The following DOCK3 variants were observed in gnomAD, a reference collection of about 807,000 sequenced individuals.
DOCK3 encodes the protein dedicator of cytokinesis protein 3.
Under a neutral mutation model 265.6 loss-of-function variants are expected in DOCK3, and 60 were observed. That is an observed-to-expected ratio of 0.23 (90% CI 0.18 to 0.28). The LOEUF (loss-of-function observed/expected upper bound fraction) is 0.28. Among genes scored for constraint, DOCK3 ranks in the 10% least tolerant of loss-of-function variants. DOCK3 has a pLI of 1.00. For missense variants in DOCK3, 1,981 were observed against 2,594.3 expected (o/e 0.76, Z 5.14); for synonymous variants, 881 against 938.0 (o/e 0.94, Z 1.11).
chr3:50,734,578 A>G (rs1466803927), intron 1 of DOCK3, among the ~76,000 whole-genome samples: 1 of 142,904 alleles, frequency 7.0e-6, no homozygotes, highest in African/African-American at 2.6e-5. Flanking sequence ...TCTGAATTTT[A>G]TTATATTCTT....
chr3:51,239,563 T>TG (rs1560265553), intron 21 of DOCK3, among the ~76,000 whole-genome samples: 3 of 139,802 alleles, frequency 2.1e-5, no homozygotes, highest in Non-Finnish European at 3.1e-5. Flanking sequence ...GGGTTTTTTT[T>TG]TTGTTTGTTT....
chr3:51,292,138 C>G (rs2109173726), intron 27 of DOCK3, among the ~76,000 whole-genome samples: 1 of 152,286 alleles, frequency 6.6e-6, no homozygotes, highest in South Asian at 2.1e-4. Flanking sequence ...TAACTTCACA[C>G]TCAACAGTGA....
intron 1 of DOCK3, among the ~76,000 whole-genome samples, chr3:50,688,134 A>C (rs951536740): frequency 1.3e-5 from 2 of 152,232 alleles, no homozygotes; most frequent in Admixed American, 6.5e-5. Flanking sequence ...AGCAGGCAGG[A>C]TCAACTCTTC....
intron 23 of DOCK3, among the ~76,000 whole-genome samples, chr3:51,268,966 A>G (rs1055641471): frequency 6.6e-6 from 1 of 152,040 alleles, no homozygotes; most frequent in Non-Finnish European, 1.5e-5. Flanking sequence ...TAACACAATA[A>G]TGCCCTGTAC....
intron 4 of DOCK3, among the ~76,000 whole-genome samples, chr3:50,909,172 G>A (rs1286340345): frequency 6.6e-6 from 1 of 151,918 alleles, no homozygotes; most frequent in Non-Finnish European, 1.5e-5. Context: ...TATCCATCTT[G>A]CCATTCTGTG....
At chr3:51,341,785 C>T (rs1041222264) in intron 38 of DOCK3, among the ~76,000 whole-genome samples, 1 of 152,220 alleles carries the variant, frequency 6.6e-6, no homozygotes, top group Non-Finnish European at 1.5e-5. Context: ...TTAACCACAG[C>T]CAAAGGCGGC....
In DOCK3 at chr3:51,278,091, TTTC is replaced by T. The variant is rs1286697196; in HGVS notation, c.2823+342_2823+344del. ...GAGGTTGAAGGTGAAAAACAGACTA[TTTC>T]TTCTAGGAACCCCCTCATACAGGTT... On this transcript the variant is annotated intron_variant, in intron 26 of 52. Transcript: ENST00000266037. 287 of 985,416 alleles carry T rather than the reference TTTC, an allele frequency of 2.9e-4. 2 individuals carry two copies. The African/African-American group carries it at 4.8e-3, about 16-fold the overall frequency. 61.0% of individuals were successfully genotyped at this position (985,416 alleles called of 1,614,324 possible).
chr3:50,722,511 A>G (rs935927948), intron 1 of DOCK3, among the ~76,000 whole-genome samples: 1 of 152,198 alleles, frequency 6.6e-6, no homozygotes, highest in African/African-American at 2.4e-5. Flanking sequence ...ACGTGTTAGA[A>G]GTATTATTTC....
chr3:51,240,239 A>G (rs879282113), intron 21 of DOCK3, among the ~76,000 whole-genome samples: 7 of 152,170 alleles, frequency 4.6e-5, no homozygotes, highest in Admixed American at 1.3e-4. Context: ...TTGCATTTCC[A>G]TGTAATTTTA....
intron 1 of DOCK3, among the ~76,000 whole-genome samples, chr3:50,681,578 G>C (rs2034414263): frequency 6.6e-6 from 1 of 152,022 alleles, no homozygotes; most frequent in African/African-American, 2.4e-5. Context: ...TCACATAAAG[G>C]CTCTTAAAAC....
At chr3:50,731,620 G>A (rs1487547502) in intron 1 of DOCK3, among the ~76,000 whole-genome samples, 1 of 152,018 alleles carries the variant, frequency 6.6e-6, no homozygotes, top group East Asian at 1.9e-4. Context: ...AGAAGAATAT[G>A]CAGTCATCTT....
At chr3:50,929,161 T>A (rs2050925691) in intron 4 of DOCK3, among the ~76,000 whole-genome samples, 1 of 152,218 alleles carries the variant, frequency 6.6e-6, no homozygotes, top group Non-Finnish European at 1.5e-5. Context: ...AGAGTCTTCA[T>A]GTGTTGCAGA....
rs782552436 is a variant in DOCK3 at position 51,380,172 on chromosome 3, AC to A, written c.5555del (p.Pro1852GlnfsTer45). The A allele has an allele frequency of 5.6e-6, 9 of 1,608,424 alleles. No individual in the cohort carries two copies. Among genetic ancestry groups the A allele is most frequent in the East Asian group, 2.2e-5 (1 of 44,730 alleles). On this transcript the variant is annotated frameshift_variant, in exon 52 of 53. Coordinates refer to ENST00000266037, the MANE Select transcript of DOCK3 (RefSeq NM_004947.5). LOFTEE classifies it high-confidence loss of function. ...FDAFHHPLGD[T>X]PPALPARTLR... is the part of the protein sequence containing the mutation. ...CGCCTTCCACCACCCTCTGGGTGAT[AC>A]CCCCCCAGCCCTCCCTGCCCGGACC...
chr3:50,690,770 G>A (rs2035178369), intron 1 of DOCK3, among the ~76,000 whole-genome samples: 1 of 151,686 alleles, frequency 6.6e-6, no homozygotes, highest in African/African-American at 2.4e-5. Context: ...AGCCTCCCGA[G>A]TAGCTGGGAC....
intron 5 of DOCK3, among the ~76,000 whole-genome samples, chr3:51,049,830 CCA>C (rs1559990016): frequency 3.1e-4 from 29 of 94,118 alleles, no homozygotes; most frequent in African/African-American, 1.0e-3. Flanking sequence ...CACACACACC[CCA>C]AAAAAACACT....
At chr3:50,856,688 C>T (rs2046617232) in intron 3 of DOCK3, among the ~76,000 whole-genome samples, 1 of 152,062 alleles carries the variant, frequency 6.6e-6, no homozygotes, top group East Asian at 1.9e-4. Context: ...TTCTTTCTCT[C>T]ACCTGGTTGC....
chr3:50,867,605 GTTTT>G (rs55872881), intron 3 of DOCK3, among the ~76,000 whole-genome samples: 1 of 141,394 alleles, frequency 7.1e-6, no homozygotes. Context: ...CTAGTTACCT[GTTTT>G]TTTTTTTTTT....
In DOCK3 at chr3:50,912,746, G is replaced by A. The variant is rs375337644; in HGVS notation, c.219-21235G>A. 4.9e-4 allele frequency among the ~76,000 whole-genome samples: 74 copies of A among 152,038 alleles called. 1 individual carries two copies. The highest frequency in any genetic ancestry group is 1.8e-3 in the African/African-American group (73 of 41,364). On this transcript the variant is annotated intron_variant, in intron 4 of 52. Transcript: ENST00000266037. ...GCTGCCACAGGCCCACAGGCCCACA[G>A]GGAGTACTGCCAGACTACTGTTGAT...
chr3:50,873,545 C>T (rs943663106), intron 3 of DOCK3, among the ~76,000 whole-genome samples: 1 of 152,204 alleles, frequency 6.6e-6, no homozygotes, highest in African/African-American at 2.4e-5. Context: ...CTTAGCTACC[C>T]TAGCTGTTAT....
Sources: gnomAD v4.1 joint callset for allele counts (sites outside exome capture counted in the v4.1 genomes callset) on GRCh38, gnomAD v4.1.1 for gene constraint, MANE v1.5 for transcripts, NCBI Gene and HGNC (gene_info 2026-07-23, HGNC 2026-07-21) for gene names.